The following DPYSL4 variants were observed in gnomAD, a reference collection of about 807,000 sequenced individuals.
DPYSL4 encodes dihydropyrimidinase-related protein 4.
In DPYSL4, 43 loss-of-function variants were observed where a neutral mutation model predicts 63.4. The observed-to-expected ratio is 0.68, with a 90% CI of 0.53 to 0.88. The LOEUF (loss-of-function observed/expected upper bound fraction) is 0.88, where lower values mean the gene tolerates loss of function less well. Among genes scored for constraint, DPYSL4 ranks in the 40% least tolerant of loss-of-function variants. The pLI, the probability that DPYSL4 is intolerant of heterozygous loss-of-function variation, is 0.00. For missense variants in DPYSL4, 733 were observed against 819.5 expected, an observed-to-expected ratio of 0.89 and a Z score of 1.29; for synonymous variants, 353 against 331.7, an observed-to-expected ratio of 1.06 and a Z score of -0.70.
At chr10:132,188,611 A>C (rs2061834715) in intron 1 of DPYSL4, among the ~76,000 whole-genome samples, 1 of 152,208 alleles carries the variant, frequency 6.6e-6, no homozygotes, top group African/African-American at 2.4e-5. Context: ...AGCTCTGTAG[A>C]CCAAGGGTCT....
chr10:132,202,468 G>A (rs1004032494), intron 11 of DPYSL4, among the ~76,000 whole-genome samples, 178 bp from the exon 12 acceptor site: 11 of 152,196 alleles, frequency 7.2e-5, no homozygotes, highest in Non-Finnish European at 1.2e-4. Flanking sequence ...TCCGTAGGCC[G>A]AGGGGGGGCA....
intron 3 of DPYSL4, among the ~76,000 whole-genome samples, 177 bp downstream of exon 3, chr10:132,193,019 G>C (rs570449268): frequency 6.6e-6 from 1 of 152,268 alleles, no homozygotes; most frequent in Admixed American, 6.5e-5. Flanking sequence ...CTCACTCTGG[G>C]TGTTTCTGTG....
chr10:132,190,745 A>G lies in DPYSL4; in HGVS notation c.40-2A>G, dbSNP rs771538881. ...AAAATTACCCTTTGTTGTTCCCGAT[A>G]GAGTGACCGCCTTCTGATCAGAGGT... is the stretch of plus-strand genomic sequence containing the variant. On this transcript the variant is annotated splice_acceptor_variant, in intron 1 of 13. Coordinates refer to ENST00000338492, the MANE Select transcript of DPYSL4 (RefSeq NM_006426.3). LOFTEE classifies it high-confidence loss of function. 3 of 1,612,644 alleles carry G rather than the reference A, an allele frequency of 1.9e-6. No homozygotes were observed. The highest frequency in any genetic ancestry group is 2.5e-6 in the Non-Finnish European group (3 of 1,178,920).
At chr10:132,190,879 T>A (rs745472653) in intron 2 of DPYSL4, 44 bp downstream of exon 2, 7 of 1,579,186 alleles carry the variant, frequency 4.4e-6, no homozygotes, top group Non-Finnish European at 5.2e-6. Flanking sequence ...AGCTCGTGTG[T>A]ACACGCTGGT....
rs1215050957 is a variant in DPYSL4, at chr10:132,200,522, C to T, written c.968+10C>T. 6.2e-7 allele frequency: 1 copy of T among 1,612,446 alleles called. No homozygotes were observed. Among genetic ancestry groups the T allele is most frequent in the Admixed American group, 1.7e-5 (1 of 59,984 alleles). On this transcript the variant is annotated intron_variant, in intron 9 of 13. Transcript: ENST00000338492. ...CCTGCTTGCTGTCCAGGTAAGCAGC[C>T]TCTCCAGGTGGCCCCAGGTTGGCCG...
chr10:132,204,951 GA>G lies in DPYSL4; in HGVS notation c.*22del. 1 of 1,598,650 alleles carries G rather than the reference GA, an allele frequency of 6.3e-7. No individual in the cohort carries two copies. The highest frequency in any genetic ancestry group is 1.7e-4 in the Middle Eastern group (1 of 5,994). ...CCTAGACGCCCAGGACCGGCCCTGTGAGCCGTGCTGGCCCCACCCGAGGCCG... is the reference window on the plus strand; with the variant it reads ...CCTAGACGCCCAGGACCGGCCCTGTGGCCGTGCTGGCCCCACCCGAGGCCG... On this transcript the variant is annotated 3_prime_UTR_variant, in exon 14 of 14. Coordinates refer to ENST00000338492, the MANE Select transcript of DPYSL4 (RefSeq NM_006426.3).
chr10:132,204,811 C>T, intron 13 of DPYSL4, 28 bp from the exon 14 acceptor site: 3 of 1,582,656 alleles, frequency 1.9e-6, no homozygotes, highest in Non-Finnish European at 2.6e-6. Flanking sequence ...GCCTCATTCT[C>T]CCCTGCCCAT....
chr10:132,192,291 A>G (rs12266311), intron 2 of DPYSL4: 30,589 of 991,512 alleles, frequency 0.031, 3,136 homozygotes, highest in African/African-American at 0.3. Flanking sequence ...AGCACTTAGT[A>G]TGGTGCCTGG....
At chr10:132,187,368 CGGG>C (rs2061815129) in intron 1 of DPYSL4, among the ~76,000 whole-genome samples, 1 of 10,308 alleles carries the variant, frequency 9.7e-5, no homozygotes. Context: ...CGGGCCCTGC[CGGG>C]CCCTGCCCGG....
At chr10:132,192,415 G>A (rs2061890027) in intron 2 of DPYSL4, 1 of 1,157,492 alleles carries the variant, frequency 8.6e-7, no homozygotes, top group Non-Finnish European at 1.1e-6. Flanking sequence ...GACCTGAGTG[G>A]AAAACCACAG....
chr10:132,192,272 G>A (rs1201198399), intron 2 of DPYSL4: 1 of 979,472 alleles, frequency 1.0e-6, no homozygotes. Context: ...ACGTTTCTTT[G>A]TTCATCGCAG....
At chr10:132,188,409 G>A (rs2061832853) in intron 1 of DPYSL4, among the ~76,000 whole-genome samples, 1 of 152,230 alleles carries the variant, frequency 6.6e-6, no homozygotes, top group Non-Finnish European at 1.5e-5. Flanking sequence ...GTTTTCTAGG[G>A]CTTCCTTGAA....
chr10:132,191,747 C>T (rs1214801850), intron 2 of DPYSL4, among the ~76,000 whole-genome samples: 1 of 95,650 alleles, frequency 1.0e-5, no homozygotes, highest in African/African-American at 3.6e-5. Context: ...ATGTTCCCAC[C>T]TCTTGTGTAC....
chr10:132,187,650 C>T (rs1208442755), intron 1 of DPYSL4, among the ~76,000 whole-genome samples: 3 of 152,240 alleles, frequency 2.0e-5, no homozygotes, highest in Non-Finnish European at 4.4e-5. Flanking sequence ...TTAGCCCCGG[C>T]CGCTCTGGCC....
chr10:132,190,339 G>A (rs1037610493), intron 1 of DPYSL4, among the ~76,000 whole-genome samples: 38 of 152,258 alleles, frequency 2.5e-4, no homozygotes, highest in African/African-American at 7.5e-4. Flanking sequence ...CCTCCTCTGC[G>A]TGGGTGGAAG....
At position 132,203,811 on chromosome 10, in the gene DPYSL4, A is replaced by G; in HGVS notation, c.1511A>G (p.His504Arg). 6.2e-7 allele frequency: 1 copy of G among 1,612,478 alleles called. No homozygotes were observed. Among genetic ancestry groups the G allele is most frequent in the Non-Finnish European group, 8.5e-7 (1 of 1,179,704 alleles). The change falls in exon 13 of 14, where the codon CAC (histidine) becomes CGC (arginine). Residue 504 changes from histidine to arginine, a missense_variant. Physicochemically the swap from His to Arg is conservative, Grantham distance 29 (BLOSUM62 0). Coordinates refer to ENST00000338492, the MANE Select transcript of DPYSL4 (RefSeq NM_006426.3). ...VPRGLYDGPV[H>R]EVMVPAKPGS... is the part of the protein sequence containing the mutation. The stretch of plus-strand genomic sequence containing the variant: ...CGTGGACTGTATGACGGGCCCGTCC[A>G]CGAGGTGATGGTGCCTGCCAAGCCA...
chr10:132,202,945 G>A, intron 12 of DPYSL4, 120 bp downstream of exon 12: 8 of 1,257,770 alleles, frequency 6.4e-6, no homozygotes, highest in South Asian at 3.0e-5. Flanking sequence ...GACAGAGCGG[G>A]GCCGCTGCTT....
At chr10:132,196,968 C>T (rs376476990) in intron 5 of DPYSL4, 46 bp downstream of exon 5, 163 of 1,613,126 alleles carry the variant, frequency 1.0e-4, no homozygotes, top group Middle Eastern at 1.6e-4. Flanking sequence ...TATCCCAGGC[C>T]GCTGCTGGTG....
intron 12 of DPYSL4, 152 bp from the exon 13 acceptor site, chr10:132,203,610 A>C: frequency 1.5e-6 from 1 of 671,894 alleles, no homozygotes; most frequent in Non-Finnish European, 2.5e-6. Context: ...CCCCCAGGGC[A>C]GCCCCAAATT....
Sources: allele counts gnomAD v4.1 joint callset (sites outside exome capture counted in the v4.1 genomes callset), GRCh38; gene constraint gnomAD v4.1.1; transcripts MANE v1.5; gene names NCBI Gene and HGNC (gene_info 2026-07-23, HGNC 2026-07-21).